OR6C1: variants seen among roughly 807,000 people sequenced by gnomAD.
The protein encoded by OR6C1 is olfactory receptor family 6 subfamily C member 1.
For missense variants in OR6C1, 386 were observed against 366.1 expected, an observed-to-expected ratio of 1.05 and a Z score of -0.44; for synonymous variants, 157 against 133.3, an observed-to-expected ratio of 1.18 and a Z score of -1.22.
At position 55,321,728 on chromosome 12, in the gene OR6C1, T is replaced by A; in HGVS notation, c.*190T>A. 2 of 409,530 alleles carry A rather than the reference T, an allele frequency of 4.9e-6. No individual in the cohort carries two copies. Among genetic ancestry groups the A allele is most frequent in the Non-Finnish European group, 8.6e-6 (2 of 232,562 alleles). The allele number at this position is 409,530 out of a possible 1,614,324, so 25.4% of individuals were successfully genotyped here. On this transcript the variant is annotated 3_prime_UTR_variant, in exon 2 of 2. Coordinates refer to ENST00000642104, the MANE Select transcript of OR6C1 (RefSeq NM_001005182.2). ...TTTCTTGTGTCTTCCTGACACCCCCTCCTTTGAACAATTTTTTGTAAAATT... is the reference window on the plus strand; with the variant it reads ...TTTCTTGTGTCTTCCTGACACCCCCACCTTTGAACAATTTTTTGTAAAATT...
chr12:55,318,302 A>G (rs1012624952), intron 1 of OR6C1, among the ~76,000 whole-genome samples: 3 of 150,250 alleles, frequency 2.0e-5, no homozygotes, highest in Admixed American at 6.7e-5. Flanking sequence ...CAGCTATACC[A>G]TGGTGGGAGA....
rs553969294 is a variant in OR6C1, at chr12:55,322,117, A to G, written c.*579A>G. 9 of 152,202 alleles carry G rather than the reference A, an allele frequency of 5.9e-5. No individual in the cohort carries two copies. In the South Asian group the frequency reaches 1.7e-3, roughly 28 times the overall value. 9.4% of individuals were successfully genotyped at this position (152,202 alleles called of 1,614,324 possible). On this transcript the variant is annotated 3_prime_UTR_variant, in exon 2 of 2. Transcript: ENST00000642104. ...ATATACTTTTTTGTTATAAGTGCTAAGTAGAGCTCCATATTTGTGAATCCC... is the reference window on the plus strand; with the variant it reads ...ATATACTTTTTTGTTATAAGTGCTAGGTAGAGCTCCATATTTGTGAATCCC...
Position 55,320,719 on chromosome 12 carries a change from C to G in OR6C1, c.120C>G (p.Asn40Lys), listed in dbSNP as rs1017230655. Residue 40 changes from asparagine to lysine, a missense_variant, in exon 2 of 2, where the codon AAC (asparagine) becomes AAG (lysine). By Grantham distance (94) the Asn-to-Lys change is moderately conservative (BLOSUM62 0). Coordinates refer to ENST00000642104, the MANE Select transcript of OR6C1 (RefSeq NM_001005182.2). Reference sequence around the variant, plus strand: ...CCTACATGCTCAGCATCACTGGGAACCTGACCCTTATCACAATTACCCTGC... The same window carrying G: ...CCTACATGCTCAGCATCACTGGGAAGCTGACCCTTATCACAATTACCCTGC... ...LITYMLSITG[N>K]LTLITITLLD... The G allele has an allele frequency of 2.5e-6, 4 of 1,613,776 alleles. No individual in the cohort carries two copies. The African/African-American group carries it at 5.3e-5, about 22-fold the overall frequency.
chr12:55,320,763 C>T lies in OR6C1; in HGVS notation c.164C>T (p.Thr55Ile), dbSNP rs1400690062. The change falls in exon 2 of 2, where the codon ACC becomes ATC. Residue 55 changes from threonine to isoleucine, a missense_variant. Thr to Ile is a moderately conservative substitution (Grantham distance 89). Coordinates refer to ENST00000642104, the MANE Select transcript of OR6C1 (RefSeq NM_001005182.2). Reference sequence around the variant, plus strand: ...ACCCTGCTGGATTCCCACCTGCAGACCCCCATGTATTTCTTCCTCAGAAAT... The same window carrying T: ...ACCCTGCTGGATTCCCACCTGCAGATCCCCATGTATTTCTTCCTCAGAAAT... ...TITLLDSHLQTPMYFFLRNFS... is the reference protein window; with the variant it reads ...TITLLDSHLQIPMYFFLRNFS... 1 of 1,613,930 alleles carries T rather than the reference C, an allele frequency of 6.2e-7. No homozygotes were observed. The highest frequency in any genetic ancestry group is 8.5e-7 in the Non-Finnish European group (1 of 1,179,996).
Position 55,321,252 on chromosome 12 carries a change from A to G in OR6C1, c.653A>G (p.Tyr218Cys). 6.2e-7 allele frequency: 1 copy of G among 1,613,878 alleles called. No individual in the cohort carries two copies. The change falls in exon 2 of 2, where the codon TAC becomes TGC. Residue 218 changes from tyrosine (Y) to cysteine (C), a missense_variant. Physicochemically the swap from Tyr to Cys is radical, Grantham distance 194. Transcript: ENST00000642104. ...GCATTAATATTTCTGTCCTACATATACATTATCAGAACAATTTTGAGAATT... is the reference window on the plus strand; with the variant it reads ...GCATTAATATTTCTGTCCTACATATGCATTATCAGAACAATTTTGAGAATT... ...TLALIFLSYIYIIRTILRIPS... is the reference protein window; with the variant it reads ...TLALIFLSYICIIRTILRIPS...
intron 1 of OR6C1, among the ~76,000 whole-genome samples, chr12:55,317,718 T>C (rs1868432883): frequency 1.3e-5 from 2 of 151,770 alleles, no homozygotes; most frequent in Admixed American, 6.6e-5. Context: ...GTTCTAACTC[T>C]CAAGAATGCA....
chr12:55,319,511 A>G (rs1370388536), intron 1 of OR6C1, among the ~76,000 whole-genome samples: 1 of 152,218 alleles, frequency 6.6e-6, no homozygotes, highest in Admixed American at 6.5e-5. Flanking sequence ...AATGTTATTT[A>G]TTGCTCTTCA....
chr12:55,321,648 C>T lies in OR6C1; in HGVS notation c.*110C>T. 1 of 629,164 alleles carries T rather than the reference C, an allele frequency of 1.6e-6. No individual in the cohort carries two copies. The highest frequency in any genetic ancestry group is 3.4e-5 in the South Asian group (1 of 29,054). The allele number at this position is 629,164 out of a possible 1,614,324, so 39.0% of individuals were successfully genotyped here. Reference sequence around the variant, plus strand: ...AGTCTTCTGCATCATTTTCTTTTCCCTAAAAGTTTGCAAGCATATTTATTT... The same window carrying T: ...AGTCTTCTGCATCATTTTCTTTTCCTTAAAAGTTTGCAAGCATATTTATTT... On this transcript the variant is annotated 3_prime_UTR_variant, in exon 2 of 2. Transcript: ENST00000642104.
chr12:55,322,127 C>T lies in OR6C1; in HGVS notation c.*589C>T, dbSNP rs981124960. The T allele has an allele frequency of 1.3e-5, 2 of 151,808 alleles. No individual in the cohort carries two copies. The highest frequency in any genetic ancestry group is 6.6e-5 in the Admixed American group (1 of 15,238). The allele number at this position is 151,808 out of a possible 1,614,324, so 9.4% of individuals were successfully genotyped here. Reference sequence around the variant, plus strand: ...TTGTTATAAGTGCTAAGTAGAGCTCCATATTTGTGAATCCCATAATATTCT... The same window carrying T: ...TTGTTATAAGTGCTAAGTAGAGCTCTATATTTGTGAATCCCATAATATTCT... On this transcript the variant is annotated 3_prime_UTR_variant, in exon 2 of 2. Coordinates refer to ENST00000642104, the MANE Select transcript of OR6C1 (RefSeq NM_001005182.2).
intron 1 of OR6C1, 94 bp downstream of exon 1, chr12:55,314,693 A>G (rs1156832948): frequency 6.6e-6 from 1 of 151,630 alleles, no homozygotes; most frequent in African/African-American, 2.4e-5. Context: ...GTAAATAGGT[A>G]TTATACTTTG....
Position 55,318,253 on chromosome 12 carries a change from TGTGTGTGTGTG to T in OR6C1, c.-33-2310_-33-2300del, listed in dbSNP as rs1471362271. Among the ~76,000 whole-genome samples the T allele has an allele frequency of 4.1e-3, 612 of 148,910 alleles. 5 individuals are homozygous for T. The highest frequency in any genetic ancestry group is 0.015 in the African/African-American group (580 of 39,596). ...GTGTGTGTGTGTGTGTGTGTGTGTG[TGTGTGTGTGTG>T]GTGGTGGTGGTTATGAGGTGAAAGA... On this transcript the variant is annotated intron_variant, in intron 1 of 1. Transcript: ENST00000642104.
intron 1 of OR6C1, among the ~76,000 whole-genome samples, chr12:55,316,599 T>C (rs1868414342): frequency 6.6e-6 from 1 of 151,920 alleles, no homozygotes; most frequent in Non-Finnish European, 1.5e-5. Flanking sequence ...TATGAATACG[T>C]CCTGAGATCT....
intron 1 of OR6C1, among the ~76,000 whole-genome samples, chr12:55,316,889 C>G (rs1324914382): frequency 1.3e-5 from 2 of 151,694 alleles, no homozygotes; most frequent in African/African-American, 4.8e-5. Flanking sequence ...CTCATGAACC[C>G]TTCAAATAAC....
At chr12:55,317,005 T>C (rs994865446) in intron 1 of OR6C1, among the ~76,000 whole-genome samples, 1 of 151,904 alleles carries the variant, frequency 6.6e-6, no homozygotes, top group African/African-American at 2.4e-5. Context: ...TAAAAAAAAT[T>C]AGCAGGGAAT....
chr12:55,319,629 G>C (rs367633501), intron 1 of OR6C1, among the ~76,000 whole-genome samples: 4 of 152,294 alleles, frequency 2.6e-5, no homozygotes, highest in African/African-American at 7.2e-5. Context: ...ATCACAGCAG[G>C]TGATTTCAGC....
Position 55,314,401 on chromosome 12 carries a change from C to T in OR6C1, c.-232C>T, listed in dbSNP as rs1023644446. ...TTTATATTTTTGCTCCTTTCTCACTCTCTACTATCAAAGACACATATTCTG... is the reference window on the plus strand; with the variant it reads ...TTTATATTTTTGCTCCTTTCTCACTTTCTACTATCAAAGACACATATTCTG... On this transcript the variant is annotated 5_prime_UTR_variant, in exon 1 of 2. Coordinates refer to ENST00000642104, the MANE Select transcript of OR6C1 (RefSeq NM_001005182.2). 6.6e-6 allele frequency: 1 copy of T among 151,294 alleles called. No homozygotes were observed. The highest frequency in any genetic ancestry group is 2.4e-5 in the African/African-American group (1 of 41,286). The allele number at this position is 151,294 out of a possible 1,614,324, so 9.4% of individuals were successfully genotyped here. A position where few individuals can be genotyped will look rare whatever the true frequency, so the allele number is the denominator to read the frequency against.
rs775101293 is a variant in OR6C1 at position 55,321,089 on chromosome 12, CT to C, written c.492del (p.His165IlefsTer29). The C allele has an allele frequency of 2.5e-6, 4 of 1,613,252 alleles. No homozygotes were observed. Among genetic ancestry groups the C allele is most frequent in the Non-Finnish European group, 2.5e-6 (3 of 1,179,480 alleles). On this transcript the variant is annotated frameshift_variant, in exon 2 of 2. Transcript: ENST00000642104. LOFTEE classifies it low-confidence loss of function (END_TRUNC). ...IFPALMLLLK[L>X]HYCRSNIIDH... ...CCCAGCACTCATGTTGCTTTTAAAG[CT>C]TCATTACTGTAGGTCTAATATTATT...
At chr12:55,317,492 G>T (rs1050759069) in intron 1 of OR6C1, among the ~76,000 whole-genome samples, 6 of 151,920 alleles carry the variant, frequency 3.9e-5, no homozygotes, top group African/African-American at 1.4e-4. Flanking sequence ...AGACATGTAA[G>T]AAAATACATC....
rs141945528 is a variant in OR6C1 at position 55,317,863 on chromosome 12, A to C, written c.-33-2704A>C. On this transcript the variant is annotated intron_variant, in intron 1 of 1. Coordinates refer to ENST00000642104, the MANE Select transcript of OR6C1 (RefSeq NM_001005182.2). ...GTGTTGTAGAAATAAGAACAAAGGT[A>C]ATTTGGGATGTCATTACAATGTATT... Among the ~76,000 whole-genome samples the C allele has an allele frequency of 9.7e-3, 1,460 of 149,868 alleles. 11 individuals are homozygous for C. Among genetic ancestry groups the C allele is most frequent in the South Asian group, 0.013 (62 of 4,772 alleles).
Sources: gnomAD v4.1 joint callset for allele counts (sites outside exome capture counted in the v4.1 genomes callset) on GRCh38, gnomAD v4.1.1 for gene constraint, MANE v1.5 for transcripts, NCBI Gene and HGNC (gene_info 2026-07-23, HGNC 2026-07-21) for gene names.